Variants in ZMIZ2 observed in about 807,000 individuals in gnomAD.
The protein encoded by ZMIZ2 is zinc finger MIZ-type containing 2.
A neutral mutation model predicts 93.9 loss-of-function variants in ZMIZ2; 26 were observed. The ratio of observed to expected loss-of-function variants is 0.28; its 90% confidence interval spans 0.20 to 0.38. The LOEUF (loss-of-function observed/expected upper bound fraction) is 0.38. Among genes scored for constraint, ZMIZ2 ranks in the 10% least tolerant of loss-of-function variants. ZMIZ2 has a pLI of 1.00. For missense variants in ZMIZ2, 1,023 were observed against 1,235.0 expected (o/e 0.83, Z 2.57); for synonymous variants, 485 against 516.4 (o/e 0.94, Z 0.82).
In ZMIZ2 at chr7:44,765,905, C is replaced by A; in HGVS notation, c.2243-259C>A. On this transcript the variant is annotated intron_variant, in intron 16 of 18. Transcript: ENST00000309315. The surrounding 1 kb of genome is among the most constrained non-coding windows in gnomAD (Gnocchi z 4.1). Reference sequence around the variant, plus strand: ...GCCCCCCTCTGGGACCCACCTCACACGCGTGGTGCGTTTGTTTGTGGCTGC... The same window carrying A: ...GCCCCCCTCTGGGACCCACCTCACAAGCGTGGTGCGTTTGTTTGTGGCTGC... 7.2e-7 allele frequency: 1 copy of A among 1,396,396 alleles called. No homozygotes were observed. Among genetic ancestry groups the A allele is most frequent in the Non-Finnish European group, 9.3e-7 (1 of 1,077,580 alleles). The allele number at this position is 1,396,396 out of a possible 1,614,324, so 86.5% of individuals were successfully genotyped here.
At position 44,763,488 on chromosome 7, in the gene ZMIZ2, C is replaced by A; in HGVS notation, c.1860+75C>A. The A allele has an allele frequency of 6.4e-7, 1 of 1,571,736 alleles. No homozygotes were observed. ...CTTGAGTCGATACATCAGTGTCATT[C>A]TCTGGACAGACGTGAACTCCGAGTG... On this transcript the variant is annotated intron_variant, in intron 13 of 18. Transcript: ENST00000309315. The surrounding 1 kb of genome is among the most constrained non-coding windows in gnomAD (Gnocchi z 5.6).
At chr7:44,748,808 G>A (rs935767869), upstream of ZMIZ2, 1 of 151,020 alleles carries the variant, frequency 6.6e-6, no homozygotes, top group African/African-American at 2.4e-5. Flanking sequence ...CCGGCTGCGC[G>A]GCGTCATGCA....
At chr7:44,757,669 C>T (rs553096726) in intron 5 of ZMIZ2, 108 bp downstream of exon 5, 485 of 1,457,054 alleles carry the variant, frequency 3.3e-4, no homozygotes, top group Middle Eastern at 9.1e-4. Context: ...TATGCCAGGG[C>T]TCATGAAGCC....
chr7:44,767,820 G>A lies in ZMIZ2; in HGVS notation c.*197G>A. The A allele has an allele frequency of 1.6e-6, 1 of 606,240 alleles. No homozygotes were observed. The highest frequency in any genetic ancestry group is 2.9e-6 in the Non-Finnish European group (1 of 342,414). The allele number at this position is 606,240 out of a possible 1,614,324, so 37.6% of individuals were successfully genotyped here. ...TGTGCTCGATGGGAGGGGCTCCCAGGCCGGCAGCCCTTGCCACCTCCCTCT... is the reference window on the plus strand; with the variant it reads ...TGTGCTCGATGGGAGGGGCTCCCAGACCGGCAGCCCTTGCCACCTCCCTCT... On this transcript the variant is annotated 3_prime_UTR_variant, in exon 19 of 19. Coordinates refer to ENST00000309315, the MANE Select transcript of ZMIZ2 (RefSeq NM_031449.4).
chr7:44,760,311 GGGCCGCCTCCTGTCCACCTCTGTTATCAT>G, intron 8 of ZMIZ2, 83 bp downstream of exon 8: 1 of 1,566,720 alleles, frequency 6.4e-7, no homozygotes, highest in Non-Finnish European at 8.7e-7. Flanking sequence ...GGCACCCCTG[GGGCCGCCTCCTGTCCACCTCTGTTATCAT>G]GGTTCCCAGT....
intron 1 of ZMIZ2, among the ~76,000 whole-genome samples, chr7:44,752,653 AT>A (rs1463054996): frequency 2.0e-5 from 3 of 152,188 alleles, no homozygotes; most frequent in Non-Finnish European, 4.4e-5. Flanking sequence ...CCGAGCATTA[AT>A]TCTCTGGAGA....
At chr7:44,755,735 G>T (rs1195549742) in intron 1 of ZMIZ2, among the ~76,000 whole-genome samples, 3 of 152,196 alleles carry the variant, frequency 2.0e-5, no homozygotes, top group Admixed American at 2.0e-4. Flanking sequence ...TTAGCAGGGA[G>T]TCCCCTCACC....
rs1065646 is a variant in ZMIZ2, at chr7:44,769,674, A to G, written c.*2051A>G. The G allele has an allele frequency of 0.5, 76,460 of 151,888 alleles. 19,602 individuals carry two copies. The highest frequency in any genetic ancestry group is 0.76 in the East Asian group (3,905 of 5,108). The allele number at this position is 151,888 out of a possible 1,614,324, so 9.4% of individuals were successfully genotyped here. The stretch of plus-strand genomic sequence containing the variant: ...CCTGTTGCAAACGTGATGCTCCCGG[A>G]TGGAGTGGAGAAACTAGGAGACTGG... On this transcript the variant is annotated 3_prime_UTR_variant, in exon 19 of 19. Coordinates refer to ENST00000309315, the MANE Select transcript of ZMIZ2 (RefSeq NM_031449.4).
intron 13 of ZMIZ2, among the ~76,000 whole-genome samples, 181 bp from the exon 14 acceptor site, chr7:44,764,238 T>G (rs1329833525): frequency 1.3e-5 from 2 of 152,230 alleles, no homozygotes; most frequent in African/African-American, 4.8e-5. Context: ...CAGTGAGAGC[T>G]GTTTGGGCTG....
In ZMIZ2 at chr7:44,763,541, C is replaced by T; in HGVS notation, c.1860+128C>T. ...TTGGCTGTCAGGCTGACAGGACAGGCCTCCCACGCCAAGGAGGCAGGTGGG... is the reference window on the plus strand; with the variant it reads ...TTGGCTGTCAGGCTGACAGGACAGGTCTCCCACGCCAAGGAGGCAGGTGGG... On this transcript the variant is annotated intron_variant, in intron 13 of 18. Transcript: ENST00000309315. This position sits in a 1 kb window ranked among gnomAD's most constrained non-coding sequence, Gnocchi z 5.6. 7.5e-7 allele frequency: 1 copy of T among 1,332,398 alleles called. No individual in the cohort carries two copies. Among genetic ancestry groups the T allele is most frequent in the African/African-American group, 1.5e-5 (1 of 68,162 alleles). 82.5% of individuals were successfully genotyped at this position (1,332,398 alleles called of 1,614,324 possible). A position where few individuals can be genotyped will look rare whatever the true frequency, so the allele number is the denominator to read the frequency against.
chr7:44,756,877 G>T, intron 3 of ZMIZ2, 70 bp from the exon 4 acceptor site: 1 of 1,584,904 alleles, frequency 6.3e-7, no homozygotes. Context: ...TTGGTTTCTA[G>T]CACTTTGGAG....
In ZMIZ2 at chr7:44,765,100, C is replaced by T; in HGVS notation, c.1997+91C>T. ...GGGGATGTCCCTTGCCAAGTGCAGC[C>T]TTCCAGCCTTTTTCCGGCATGGAGC... On this transcript the variant is annotated intron_variant, in intron 15 of 18. Transcript: ENST00000309315. The surrounding 1 kb of genome is among the most constrained non-coding windows in gnomAD (Gnocchi z 4.1). 1 of 1,552,578 alleles carries T rather than the reference C, an allele frequency of 6.4e-7. No individual in the cohort carries two copies. Among genetic ancestry groups the T allele is most frequent in the East Asian group, 2.3e-5 (1 of 44,320 alleles).
chr7:44,758,135 G>A, intron 6 of ZMIZ2, 27 bp downstream of exon 6: 5 of 1,507,014 alleles, frequency 3.3e-6, no homozygotes, highest in Non-Finnish European at 4.4e-6. Flanking sequence ...CCTAGTTTGG[G>A]GCCTTGGGTA....
chr7:44,764,160 G>A lies in ZMIZ2; in HGVS notation c.1861-259G>A, dbSNP rs1347173987. Among the ~76,000 whole-genome samples, 6 of 152,252 alleles carry A rather than the reference G, an allele frequency of 3.9e-5. No individual in the cohort carries two copies. The East Asian group carries it at 7.7e-4, about 20-fold the overall frequency. On this transcript the variant is annotated intron_variant, in intron 13 of 18. Coordinates refer to ENST00000309315, the MANE Select transcript of ZMIZ2 (RefSeq NM_031449.4). ...TCTCGAAACAAAACAAAAATACCAT[G>A]TTCTGGAAGTGGGTCCCAGTCAGCA...
In ZMIZ2 at chr7:44,761,667, CT is replaced by C. The variant is rs775165118; in HGVS notation, c.1386-27del. 1 of 1,613,724 alleles carries C rather than the reference CT, an allele frequency of 6.2e-7. No individual in the cohort carries two copies. The highest frequency in any genetic ancestry group is 1.1e-5 in the South Asian group (1 of 91,064). Reference sequence around the variant, plus strand: ...CTCCCACACTCTCAGGGCCCGTTTTCTGGGTGTCCACCCATCTTCCTGAGCA... The same window carrying C: ...CTCCCACACTCTCAGGGCCCGTTTTCGGGTGTCCACCCATCTTCCTGAGCA... On this transcript the variant is annotated intron_variant, in intron 10 of 18. Coordinates refer to ENST00000309315, the MANE Select transcript of ZMIZ2 (RefSeq NM_031449.4). This position sits in a 1 kb window ranked among gnomAD's most constrained non-coding sequence, Gnocchi z 5.8.
At position 44,763,706 on chromosome 7, in the gene ZMIZ2, C is replaced by G. The variant is rs1418383339; in HGVS notation, c.1860+293C>G. The G allele has an allele frequency of 2.5e-6, 1 of 396,914 alleles. No homozygotes were observed. Among genetic ancestry groups the G allele is most frequent in the Admixed American group, 4.1e-5 (1 of 24,330 alleles). 24.6% of individuals were successfully genotyped at this position (396,914 alleles called of 1,614,324 possible). A position where few individuals can be genotyped will look rare whatever the true frequency, so the allele number is the denominator to read the frequency against. ...GGGTCCAGTCTTCCTGCCCTACCCC[C>G]AAGGGTGACCATCGTTAGCATCTGT... On this transcript the variant is annotated intron_variant, in intron 13 of 18. Coordinates refer to ENST00000309315, the MANE Select transcript of ZMIZ2 (RefSeq NM_031449.4). The surrounding 1 kb of genome is among the most constrained non-coding windows in gnomAD (Gnocchi z 5.6).
chr7:44,751,680 A>G (rs1323032778), intron 1 of ZMIZ2, among the ~76,000 whole-genome samples: 1 of 152,204 alleles, frequency 6.6e-6, no homozygotes, highest in Non-Finnish European at 1.5e-5. Flanking sequence ...TATTGGCTGG[A>G]CACAGTGGTG....
intron 18 of ZMIZ2, 57 bp from the exon 19 acceptor site, chr7:44,767,459 A>G: frequency 7.1e-7 from 1 of 1,399,646 alleles, no homozygotes; most frequent in South Asian, 1.2e-5. Context: ...CAGGATGGTC[A>G]CTCAGGTGTG....
chr7:44,749,217 C>T (rs536803843), intron 1 of ZMIZ2, among the ~76,000 whole-genome samples: 124 of 152,242 alleles, frequency 8.1e-4, no homozygotes, highest in Admixed American at 2.4e-3. Context: ...GCCACGCGTG[C>T]GTCGTGGTCT....
Sources: gnomAD v4.1 joint callset for allele counts (sites outside exome capture counted in the v4.1 genomes callset) on GRCh38, gnomAD v4.1.1 for gene constraint, Gnocchi (gnomAD v3.1) non-coding constraint, MANE v1.5 for transcripts, NCBI Gene and HGNC (gene_info 2026-07-23, HGNC 2026-07-21) for gene names.